CADM2: variants seen among roughly 807,000 people sequenced by gnomAD.
The protein encoded by CADM2 is cell adhesion molecule 2, also known as immunoglobulin superfamily member 4D.
A neutral mutation model predicts 49.8 loss-of-function variants in CADM2; 12 were observed. That is an observed-to-expected ratio of 0.24 (90% CI 0.15 to 0.39). The LOEUF is 0.39. CADM2 is among the 10% of genes least tolerant of loss of function. The probability of loss-of-function intolerance (pLI) is 1.00; values close to 1 mark genes in which losing one functional copy is unlikely to be tolerated. For missense variants in CADM2, 378 were observed against 492.3 expected (o/e 0.77, Z 2.20); for synonymous variants, 214 against 175.4 (o/e 1.22, Z -1.74).
At chr3:86,063,260 C>T (rs750450036) in intron 8 of CADM2, among the ~76,000 whole-genome samples, 32 of 152,172 alleles carry the variant, frequency 2.1e-4, no homozygotes, top group Non-Finnish European at 3.7e-4. Flanking sequence ...GTTATTAATT[C>T]TCCTCTCCAT....
intron 1 of CADM2, among the ~76,000 whole-genome samples, chr3:85,202,231 A>G (rs1367299866): frequency 1.3e-5 from 2 of 152,090 alleles, no homozygotes; most frequent in Non-Finnish European, 2.9e-5. Context: ...ACTTCCTCTC[A>G]TGAATCACAA....
intron 7 of CADM2, among the ~76,000 whole-genome samples, chr3:85,959,068 ATATC>A (rs1241359271): frequency 6.6e-6 from 1 of 151,216 alleles, no homozygotes; most frequent in African/African-American, 2.4e-5. Flanking sequence ...CTATATCTAT[ATATC>A]TATATAGCTA....
intron 3 of CADM2, among the ~76,000 whole-genome samples, chr3:85,855,567 T>TTA (rs996829279): frequency 7.2e-6 from 1 of 138,846 alleles, no homozygotes; most frequent in Admixed American, 7.3e-5. Context: ...ATATTTATAT[T>TTA]TATATATATA....
At chr3:85,456,694 C>G (rs1274089058) in intron 1 of CADM2, among the ~76,000 whole-genome samples, 3 of 151,988 alleles carry the variant, frequency 2.0e-5, no homozygotes, top group Non-Finnish European at 1.5e-5. Context: ...AGATGACACC[C>G]TCTATGAAGT....
chr3:85,637,031 G>C (rs576161459), intron 1 of CADM2, among the ~76,000 whole-genome samples: 1 of 152,126 alleles, frequency 6.6e-6, no homozygotes, highest in African/African-American at 2.4e-5. Context: ...TTCTTTAATA[G>C]GCAGAATAAC....
intron 1 of CADM2, among the ~76,000 whole-genome samples, chr3:85,490,105 A>T (rs1450674738): frequency 6.6e-6 from 1 of 152,078 alleles, no homozygotes; most frequent in Non-Finnish European, 1.5e-5. Flanking sequence ...ACCTTCCTAG[A>T]GTCCCTTGCT....
At chr3:85,365,199 C>CTTTTTTTTTTTTTTTTTTTTTTTT (rs397962829) in intron 1 of CADM2, among the ~76,000 whole-genome samples, 3 of 104,716 alleles carry the variant, frequency 2.9e-5, no homozygotes, top group African/African-American at 3.6e-5. Context: ...TTTTTTTTTA[C>CTTTTTTTTTTTTTTTTTTTTTTTT]TTTTTTTTTT....
intron 1 of CADM2, among the ~76,000 whole-genome samples, chr3:85,261,482 G>T (rs1039224219): frequency 6.6e-6 from 1 of 151,982 alleles, no homozygotes; most frequent in African/African-American, 2.4e-5. Context: ...TCAGTTAAGT[G>T]TAACACCTCT....
At chr3:85,836,975 T>C (rs908203862) in intron 3 of CADM2, among the ~76,000 whole-genome samples, 3 of 151,696 alleles carry the variant, frequency 2.0e-5, no homozygotes, top group South Asian at 2.1e-4. Flanking sequence ...ATGAATTACA[T>C]AGGAGGGATC....
intron 8 of CADM2, among the ~76,000 whole-genome samples, chr3:86,044,367 A>G (rs1371413571): frequency 6.6e-6 from 1 of 152,220 alleles, no homozygotes; most frequent in Non-Finnish European, 1.5e-5. Context: ...ATTTACAAGA[A>G]AAAACAAACA....
intron 3 of CADM2, among the ~76,000 whole-genome samples, chr3:85,808,586 A>T (rs2108110276): frequency 6.6e-6 from 1 of 152,296 alleles, no homozygotes; most frequent in East Asian, 1.9e-4. Flanking sequence ...AAATACTTTG[A>T]ACAAGCATCT....
chr3:85,658,382 A>G (rs974723102), intron 1 of CADM2, among the ~76,000 whole-genome samples: 3 of 151,694 alleles, frequency 2.0e-5, no homozygotes, highest in Non-Finnish European at 4.4e-5. Flanking sequence ...TGATACCTTC[A>G]TCTAGGACTT....
intron 5 of CADM2, among the ~76,000 whole-genome samples, chr3:85,902,530 T>G (rs1442572045): frequency 1.3e-5 from 2 of 151,836 alleles, no homozygotes; most frequent in African/African-American, 4.8e-5. Context: ...TAATTGATAT[T>G]GGTTAATTTC....
At chr3:85,312,671 A>T (rs147509534) in intron 1 of CADM2, among the ~76,000 whole-genome samples, 1,850 of 152,316 alleles carry the variant, frequency 0.012, 20 homozygotes, top group Middle Eastern at 0.024. Flanking sequence ...CAGAAGGCTT[A>T]AATTAATGTA....
chr3:85,764,146 T>G (rs2069535757), intron 2 of CADM2, among the ~76,000 whole-genome samples: 1 of 152,128 alleles, frequency 6.6e-6, no homozygotes, highest in Admixed American at 6.6e-5. Context: ...CAAGTTTATA[T>G]CTAATTTGTA....
chr3:85,308,369 C>T (rs1004907363), intron 1 of CADM2, among the ~76,000 whole-genome samples: 1 of 150,240 alleles, frequency 6.7e-6, no homozygotes, highest in African/African-American at 2.5e-5. Context: ...CCTATAAATC[C>T]TATATTTACC....
rs1461047792 is a variant in CADM2 at position 84,999,589 on chromosome 3, T to C, written c.61+39921T>C. Among the ~76,000 whole-genome samples, 3 of 152,096 alleles carry C rather than the reference T, an allele frequency of 2.0e-5. No individual in the cohort carries two copies. The East Asian group carries it at 5.8e-4, about 29-fold the overall frequency. On this transcript the variant is annotated intron_variant, in intron 1 of 9. Coordinates refer to ENST00000383699, the MANE Select transcript of CADM2 (RefSeq NM_001167675.2). ...GAAAAATGTAGCATGAAATAGACCT[T>C]AAAAAGGACACTTGTTTACAGTATG...
chr3:85,144,639 A>AGAAG (rs2039682484), intron 1 of CADM2, among the ~76,000 whole-genome samples: 8 of 151,602 alleles, frequency 5.3e-5, no homozygotes, highest in Admixed American at 5.3e-4. Context: ...AAAGAAAGAA[A>AGAAG]GAAAGAACAA....
At chr3:85,990,013 CAAAAAAAA>C (rs58178176) in intron 8 of CADM2, among the ~76,000 whole-genome samples, 46 of 9,634 alleles carry the variant, frequency 4.8e-3, no homozygotes, top group East Asian at 0.021. Flanking sequence ...ACTCCATGTC[CAAAAAAAA>C]AAAAAAAAAA....
Sources: allele counts gnomAD v4.1 joint callset (sites outside exome capture counted in the v4.1 genomes callset), GRCh38; gene constraint gnomAD v4.1.1; transcripts MANE v1.5; gene names NCBI Gene and HGNC (gene_info 2026-07-23, HGNC 2026-07-21).